GFRA2: variants seen among roughly 807,000 people sequenced by gnomAD.
GFRA2 encodes GDNF family receptor alpha 2.
Under a neutral mutation model 48.3 loss-of-function variants are expected in GFRA2, and 17 were observed. That is an observed-to-expected ratio of 0.35 (90% CI 0.24 to 0.53). The LOEUF is 0.53. Among genes scored for constraint, GFRA2 ranks in the 20% least tolerant of loss-of-function variants. The probability of loss-of-function intolerance (pLI) is 0.93; values close to 1 mark genes in which losing one functional copy is unlikely to be tolerated. For missense variants in GFRA2, 660 were observed against 637.3 expected (o/e 1.04, Z -0.38); for synonymous variants, 305 against 257.2 (o/e 1.19, Z -1.78).
In GFRA2 at chr8:21,737,941, G is replaced by A. The variant is rs775708832; in HGVS notation, c.794+12647C>T. On this transcript the variant is annotated intron_variant, in intron 4 of 8. Transcript: ENST00000524240. ...GATGTTTACCATGTGCCTGTGTGCC[G>A]GGCCGGATGCTCGCTGCTTTTCATG... Among the ~76,000 whole-genome samples, 11 of 152,240 alleles carry A rather than the reference G, an allele frequency of 7.2e-5. No homozygotes were observed. The Middle Eastern group carries it at 0.01, about 142-fold the overall frequency.
intron 1 of GFRA2, chr8:21,784,450 A>G (rs1585340188): frequency 4.9e-6 from 2 of 411,918 alleles, no homozygotes; most frequent in South Asian, 3.4e-5. Context: ...CCCCATCCCT[A>G]CCCAGAACAG....
intron 4 of GFRA2, among the ~76,000 whole-genome samples, chr8:21,744,802 A>G (rs1197993266): frequency 6.6e-6 from 1 of 152,156 alleles, no homozygotes; most frequent in East Asian, 1.9e-4. Context: ...ATGCTCACTT[A>G]GCTTAAGTCC....
At chr8:21,733,767 A>C (rs528449857) in intron 4 of GFRA2, among the ~76,000 whole-genome samples, 60 of 152,276 alleles carry the variant, frequency 3.9e-4, no homozygotes, top group African/African-American at 1.3e-3. Flanking sequence ...CTGAGGTTTG[A>C]TGACCATTTA....
At position 21,788,124 on chromosome 8, in the gene GFRA2, AAAG is replaced by A. The variant is rs1430634543; in HGVS notation, c.33_35del (p.Phe12del). On this transcript the variant is annotated inframe_deletion, in exon 1 of 9. Transcript: ENST00000524240. ...TCGCCGCCCGCAGGTACTCACCTAGAAAGAAGAAGAGGCAGAAGACGTTTGCCA... is the reference window on the plus strand; with the variant it reads ...TCGCCGCCCGCAGGTACTCACCTAGAAAGAAGAGGCAGAAGACGTTTGCCA... 7.4e-5 allele frequency: 117 copies of A among 1,585,912 alleles called. No homozygotes were observed. Among genetic ancestry groups the A allele is most frequent in the South Asian group, 6.1e-4 (54 of 88,648 alleles).
At chr8:21,786,394 G>A (rs1230015828) in intron 1 of GFRA2, among the ~76,000 whole-genome samples, 1 of 152,260 alleles carries the variant, frequency 6.6e-6, no homozygotes, top group African/African-American at 2.4e-5. Flanking sequence ...CAGCTCAGCA[G>A]TAGGCAATCT....
intron 7 of GFRA2, among the ~76,000 whole-genome samples, chr8:21,696,709 C>T (rs1802194371): frequency 6.6e-6 from 1 of 152,094 alleles, no homozygotes; most frequent in Admixed American, 6.5e-5. Context: ...GGACTTTGCT[C>T]CTCGGAGTGA....
chr8:21,786,379 G>A (rs928545876), intron 1 of GFRA2, among the ~76,000 whole-genome samples: 1 of 152,258 alleles, frequency 6.6e-6, no homozygotes, highest in Admixed American at 6.5e-5. Flanking sequence ...CCATGCTGGG[G>A]TATGCAGCTC....
chr8:21,723,572 G>A (rs926671935), intron 4 of GFRA2, among the ~76,000 whole-genome samples: 1 of 152,200 alleles, frequency 6.6e-6, no homozygotes, highest in African/African-American at 2.4e-5. Context: ...CAGGCACCAG[G>A]ACCCCAGGAC....
In GFRA2 at chr8:21,710,890, G is replaced by A. The variant is rs938438602; in HGVS notation, c.795-4849C>T. ...AAGTGACAAATGGAGCTATTTAGGA[G>A]GACACAGAGTCCAAGCCCAAGGCTC... On this transcript the variant is annotated intron_variant, in intron 4 of 8. Coordinates refer to ENST00000524240, the MANE Select transcript of GFRA2 (RefSeq NM_001495.5). Among the ~76,000 whole-genome samples the A allele has an allele frequency of 2.6e-5, 4 of 152,154 alleles. No individual in the cohort carries two copies. In the South Asian group the frequency reaches 6.2e-4, roughly 24 times the overall value.
At chr8:21,791,271 G>A (rs747327568), upstream of GFRA2, among the ~76,000 whole-genome samples, 77 of 152,172 alleles carry the variant, frequency 5.1e-4, no homozygotes, top group Non-Finnish European at 3.7e-4. Context: ...TCCCACGGGA[G>A]TAGGAAAGAG....
rs868373301 is a variant in GFRA2 at position 21,771,009 on chromosome 8, C to T, written c.439+3963G>A. 6.9e-3 allele frequency among the ~76,000 whole-genome samples: 1,050 copies of T among 152,296 alleles called. 14 individuals are homozygous for T. The highest frequency in any genetic ancestry group is 0.023 in the African/African-American group (971 of 41,564). On this transcript the variant is annotated intron_variant, in intron 3 of 8. Coordinates refer to ENST00000524240, the MANE Select transcript of GFRA2 (RefSeq NM_001495.5). Reference sequence around the variant, plus strand: ...TCAGCTCCTCAACCCCTGCATCCAACTAAACAACCTCCTGCCTCCACTGAG... The same window carrying T: ...TCAGCTCCTCAACCCCTGCATCCAATTAAACAACCTCCTGCCTCCACTGAG...
chr8:21,795,455 C>A (rs1200524187), intron 2 of GFRA2, among the ~76,000 whole-genome samples: 2 of 151,398 alleles, frequency 1.3e-5, no homozygotes, highest in Non-Finnish European at 2.9e-5. Flanking sequence ...TGCTGTGGCA[C>A]AATCTCAGTT....
chr8:21,800,314 TA>T (rs1807747806), intron 2 of GFRA2, among the ~76,000 whole-genome samples: 1 of 152,212 alleles, frequency 6.6e-6, no homozygotes, highest in African/African-American at 2.4e-5. Flanking sequence ...TGTAAAATAA[TA>T]GATGTCTAAC....
intron 3 of GFRA2, among the ~76,000 whole-genome samples, chr8:21,752,315 C>T (rs555421816): frequency 6.6e-6 from 1 of 152,236 alleles, no homozygotes; most frequent in East Asian, 1.9e-4. Context: ...TCTCTTAGAC[C>T]TGCTTCAGCC....
At position 21,787,031 on chromosome 8, in the gene GFRA2, C is replaced by G. The variant is rs372308591; in HGVS notation, c.40+1089G>C. Among the ~76,000 whole-genome samples the G allele has an allele frequency of 3.3e-5, 5 of 152,216 alleles. No homozygotes were observed. In the East Asian group the frequency reaches 7.7e-4, roughly 24 times the overall value. On this transcript the variant is annotated intron_variant, in intron 1 of 8. Coordinates refer to ENST00000524240, the MANE Select transcript of GFRA2 (RefSeq NM_001495.5). Reference sequence around the variant, plus strand: ...ACACATACACAGTAGTTACCCGGCTCCCTCTATGGGAGCGTCTACTCCCTG... The same window carrying G: ...ACACATACACAGTAGTTACCCGGCTGCCTCTATGGGAGCGTCTACTCCCTG...
At chr8:21,773,478 A>T (rs1181251418) in intron 3 of GFRA2, among the ~76,000 whole-genome samples, 1 of 152,192 alleles carries the variant, frequency 6.6e-6, no homozygotes, top group Non-Finnish European at 1.5e-5. Context: ...TCCCTGTTTC[A>T]ATCTCCTAGA....
intron 6 of GFRA2, among the ~76,000 whole-genome samples, chr8:21,704,494 G>C (rs1802642253): frequency 2.0e-5 from 3 of 152,232 alleles, no homozygotes; most frequent in South Asian, 4.1e-4. Flanking sequence ...GGGAAGGAAA[G>C]AGGGAAGAAA....
chr8:21,732,060 G>A (rs962218943), intron 4 of GFRA2, among the ~76,000 whole-genome samples: 1 of 152,238 alleles, frequency 6.6e-6, no homozygotes, highest in African/African-American at 2.4e-5. Context: ...GCCAGGCCCT[G>A]GGCCCAATGC....
chr8:21,715,909 C>G (rs892996692), intron 4 of GFRA2, among the ~76,000 whole-genome samples: 3 of 151,834 alleles, frequency 2.0e-5, no homozygotes. Context: ...GAGAGAGAGA[C>G]CAAGACCTAT....
Sources: allele counts gnomAD v4.1 joint callset (sites outside exome capture counted in the v4.1 genomes callset), GRCh38; gene constraint gnomAD v4.1.1; transcripts MANE v1.5; gene names NCBI Gene and HGNC (gene_info 2026-07-23, HGNC 2026-07-21).